SPRR3: variants seen among roughly 807,000 people sequenced by gnomAD.
SPRR3 encodes the protein small proline-rich protein 3.
For missense variants in SPRR3, 183 were observed against 200.3 expected (o/e 0.91, Z 0.52); for synonymous variants, 58 against 72.3 (o/e 0.80, Z 1.01).
rs772646317 is a variant in SPRR3, at chr1:153,003,136, A to G, written c.116A>G (p.Glu39Gly). ...PQEIFVPTTKEPCHSKVPQPG... is the reference protein window; with the variant it reads ...PQEIFVPTTKGPCHSKVPQPG... ...GAAATATTTGTTCCCACAACCAAGGAGCCATGCCACTCAAAGGTTCCACAA... is the reference window on the plus strand; with the variant it reads ...GAAATATTTGTTCCCACAACCAAGGGGCCATGCCACTCAAAGGTTCCACAA... The change falls in exon 2 of 2, where the codon GAG (glutamate) becomes GGG (glycine). Residue 39 changes from glutamate to glycine, a missense_variant. By Grantham distance (98) the Glu-to-Gly change is moderately conservative. Coordinates refer to ENST00000295367, the MANE Select transcript of SPRR3 (RefSeq NM_001097589.2). 2 of 1,614,018 alleles carry G rather than the reference A, an allele frequency of 1.2e-6. No individual in the cohort carries two copies. The highest frequency in any genetic ancestry group is 1.7e-6 in the Non-Finnish European group (2 of 1,180,042).
Position 153,003,619 on chromosome 1 carries a change from A to C in SPRR3, c.*89A>C, listed in dbSNP as rs1570958229. On this transcript the variant is annotated 3_prime_UTR_variant, in exon 2 of 2. Transcript: ENST00000295367. ...GTTTCTGTGTCTTAATTGTCTGTAG[A>C]CCTTGTAATCAGCACATTGTCACCC... 1 of 1,523,728 alleles carries C rather than the reference A, an allele frequency of 6.6e-7. No individual in the cohort carries two copies. Among genetic ancestry groups the C allele is most frequent in the Non-Finnish European group, 8.9e-7 (1 of 1,128,912 alleles). 94.4% of individuals were successfully genotyped at this position (1,523,728 alleles called of 1,614,324 possible).
chr1:153,003,454 G>A lies in SPRR3; in HGVS notation c.434G>A (p.Gly145Asp). The change falls in exon 2 of 2, where the codon GGC becomes GAC. Residue 145 changes from glycine (G) to aspartate (D), a missense_variant. Transcript: ENST00000295367. ...EQGYTKVPVP[G>D]YTKLPEPCPS... ...GGATACACCAAAGTTCCTGTGCCAG[G>A]CTACACAAAGCTACCAGAGCCATGT... 6.2e-7 allele frequency: 1 copy of A among 1,613,964 alleles called. No individual in the cohort carries two copies. Among genetic ancestry groups the A allele is most frequent in the Non-Finnish European group, 8.5e-7 (1 of 1,179,986 alleles).
chr1:153,002,825 T>G, intron 1 of SPRR3, 177 bp from the exon 2 acceptor site: 1 of 687,304 alleles, frequency 1.5e-6, no homozygotes, highest in South Asian at 2.1e-5. Context: ...CAACTTTACC[T>G]TATTCTCTGG....
chr1:153,001,970 A>C (rs971311515), intron 1 of SPRR3, 177 bp downstream of exon 1: 1 of 152,236 alleles, frequency 6.6e-6, no homozygotes, highest in Non-Finnish European at 1.5e-5. Context: ...ACTTAGGATC[A>C]GAAAAGGGGA....
At chr1:153,002,801 G>A (rs2339493) in intron 1 of SPRR3, 327,731 of 609,760 alleles carry the variant, frequency 0.54, 89,262 homozygotes, top group East Asian at 0.66. Flanking sequence ...CCATTTACAC[G>A]ATGTGGAAGA....
chr1:153,002,878 C>T (rs1652822435), intron 1 of SPRR3, 124 bp from the exon 2 acceptor site: 1 of 1,063,226 alleles, frequency 9.4e-7, no homozygotes, highest in Non-Finnish European at 1.3e-6. Flanking sequence ...ATCTCAAATT[C>T]AGGGAAAAAG....
Position 153,003,248 on chromosome 1 carries a change from G to A in SPRR3, c.228G>A (p.Lys76=), listed in dbSNP as rs753055864. 4 of 1,589,998 alleles carry A rather than the reference G, an allele frequency of 2.5e-6. No homozygotes were observed. The African/African-American group carries it at 5.5e-5, about 22-fold the overall frequency. The change falls in exon 2 of 2, where the codon AAG becomes AAA. Residue 76 remains lysine, a synonymous_variant. Coordinates refer to ENST00000295367, the MANE Select transcript of SPRR3 (RefSeq NM_001097589.2). Reference sequence around the variant, plus strand: ...AGGTCCCTGAGCCAGGCTGTACCAAGGTCCCTGAGCCAGGTTGTACCAAGG... The same window carrying A: ...AGGTCCCTGAGCCAGGCTGTACCAAAGTCCCTGAGCCAGGTTGTACCAAGG... The part of the protein sequence containing the change: ...CTKVPEPGCT[K]VPEPGCTKVP...
intron 1 of SPRR3, 148 bp from the exon 2 acceptor site, chr1:153,002,854 C>A: frequency 1.2e-6 from 1 of 860,258 alleles, no homozygotes; most frequent in South Asian, 1.9e-5. Flanking sequence ...TGGGGATCAC[C>A]AAAGCATCCC....
intron 1 of SPRR3, chr1:153,002,779 TA>T: frequency 1.8e-6 from 1 of 553,698 alleles, no homozygotes. Flanking sequence ...AAAAGAAGCA[TA>T]AAGAAAGGCT....
chr1:153,003,578 C>T lies in SPRR3; in HGVS notation c.*48C>T. ...GAGAAGCCAACCACCAGATGCTGGA[C>T]ACCCTCTTCCCATCTGTTTCTGTGT... On this transcript the variant is annotated 3_prime_UTR_variant, in exon 2 of 2. Transcript: ENST00000295367. The T allele has an allele frequency of 5.0e-6, 8 of 1,597,048 alleles. No individual in the cohort carries two copies. Among genetic ancestry groups the T allele is most frequent in the Non-Finnish European group, 6.0e-6 (7 of 1,170,368 alleles).
chr1:153,002,718 T>G, intron 1 of SPRR3: 1 of 387,622 alleles, frequency 2.6e-6, no homozygotes, highest in Non-Finnish European at 4.6e-6. Flanking sequence ...TATATTTGCA[T>G]ATTTGTATGT....
chr1:153,002,520 G>GAC, intron 1 of SPRR3: 1 of 160,318 alleles, frequency 6.2e-6, no homozygotes. Flanking sequence ...TTCAGCCAAT[G>GAC]ACACACAGCC....
intron 1 of SPRR3, 48 bp from the exon 2 acceptor site, chr1:153,002,954 C>A (rs112968207): frequency 1.4e-5 from 22 of 1,525,602 alleles, no homozygotes; most frequent in African/African-American, 1.2e-4. Flanking sequence ...TTAAACTGGG[C>A]TTCATTCCTA....
In SPRR3 at chr1:153,003,685, T is replaced by A; in HGVS notation, c.*155T>A. 2 of 1,098,202 alleles carry A rather than the reference T, an allele frequency of 1.8e-6. No homozygotes were observed. The highest frequency in any genetic ancestry group is 2.6e-6 in the Non-Finnish European group (2 of 778,926). The allele number at this position is 1,098,202 out of a possible 1,614,324, so 68.0% of individuals were successfully genotyped here. ...CTCTTATTTGTATCCTAAAAATACG[T>A]ACTATAAAGCTTTTGTTCACACACA... On this transcript the variant is annotated 3_prime_UTR_variant, in exon 2 of 2. Coordinates refer to ENST00000295367, the MANE Select transcript of SPRR3 (RefSeq NM_001097589.2).
chr1:153,002,190 A>T (rs1271982728), intron 1 of SPRR3: 1 of 152,444 alleles, frequency 6.6e-6, no homozygotes. Context: ...CAGCATGGGG[A>T]GTGATTAGCA....
At chr1:153,002,684 T>G in intron 1 of SPRR3, 1 of 266,680 alleles carries the variant, frequency 3.7e-6, no homozygotes, top group East Asian at 8.1e-5. Context: ...CTTCAAAGAG[T>G]GTGTAAGCGA....
At position 153,003,313 on chromosome 1, in the gene SPRR3, G is replaced by T; in HGVS notation, c.293G>T (p.Cys98Phe). Residue 98 changes from cysteine (C) to phenylalanine (F), a missense_variant, in exon 2 of 2, where the codon TGT becomes TTT. Coordinates refer to ENST00000295367, the MANE Select transcript of SPRR3 (RefSeq NM_001097589.2). ...PGCTKVPEPGCTKVPEPGYTK... is the reference protein window; with the variant it reads ...PGCTKVPEPGFTKVPEPGYTK... ...TGTACCAAGGTCCCTGAGCCAGGTT[G>T]TACCAAGGTCCCTGAGCCAGGCTAC... 6.2e-7 allele frequency: 1 copy of T among 1,605,878 alleles called. No individual in the cohort carries two copies. Among genetic ancestry groups the T allele is most frequent in the Non-Finnish European group, 8.5e-7 (1 of 1,176,576 alleles).
chr1:153,003,442 T>C lies in SPRR3; in HGVS notation c.422T>C (p.Val141Ala), dbSNP rs1652874211. Residue 141 changes from valine (V) to alanine (A), a missense_variant, in exon 2 of 2, where the codon GTT becomes GCT. Physicochemically the swap from Val to Ala is moderately conservative, Grantham distance 64 (BLOSUM62 0). Transcript: ENST00000295367. The stretch of plus-strand genomic sequence containing the variant: ...GTTCCTGAGCAAGGATACACCAAAG[T>C]TCCTGTGCCAGGCTACACAAAGCTA... ...IKVPEQGYTKVPVPGYTKLPE... is the reference protein window; with the variant it reads ...IKVPEQGYTKAPVPGYTKLPE... 1 of 1,613,952 alleles carries C rather than the reference T, an allele frequency of 6.2e-7. No individual in the cohort carries two copies.
rs772084592 is a variant in SPRR3 at position 153,003,120 on chromosome 1, G to A, written c.100G>A (p.Val34Ile). 6.2e-7 allele frequency: 1 copy of A among 1,614,044 alleles called. No homozygotes were observed. The change falls in exon 2 of 2, where the codon GTT becomes ATT. Residue 34 changes from valine (V) to isoleucine (I), a missense_variant. Val to Ile is a conservative substitution (Grantham distance 29). Transcript: ENST00000295367. ...CCAGCCTCCACCTCAGGAAATATTT[G>A]TTCCCACAACCAAGGAGCCATGCCA... The part of the protein sequence containing the change: ...PSQPPPQEIF[V>I]PTTKEPCHSK...
Sources: gnomAD v4.1 joint callset for allele counts on GRCh38, gnomAD v4.1.1 for gene constraint, MANE v1.5 for transcripts, NCBI Gene and HGNC (gene_info 2026-07-23, HGNC 2026-07-21) for gene names.